Variants in SLC44A5 observed in about 807,000 individuals in gnomAD.
The protein encoded by SLC44A5 is solute carrier family 44 member 5.
A neutral mutation model predicts 101.8 loss-of-function variants in SLC44A5; 57 were observed. The ratio of observed to expected loss-of-function variants is 0.56; its 90% CI spans 0.45 to 0.70. The LOEUF (loss-of-function observed/expected upper bound fraction) is 0.70, where lower values mean the gene tolerates loss of function less well. Among genes scored for constraint, SLC44A5 ranks in the 30% least tolerant of loss-of-function variants. The pLI is 0.00. For synonymous variants in SLC44A5, 281 were observed against 290.9 expected (o/e 0.97, Z 0.35); for missense variants, 737 against 853.1 (o/e 0.86, Z 1.70).
chr1:75,363,770 G>T (rs1348246162), intron 3 of SLC44A5, among the ~76,000 whole-genome samples: 2 of 151,970 alleles, frequency 1.3e-5, no homozygotes, highest in East Asian at 1.9e-4. Context: ...ATTGACTTTT[G>T]TACTTTCATG....
chr1:75,693,512 C>T, the SLC44A5 span, among the ~76,000 whole-genome samples: 95 of 152,160 alleles, frequency 6.2e-4, no homozygotes, highest in African/African-American at 2.1e-3. Flanking sequence ...TATACATTTG[C>T]GAATGGGTAC....
intron 4 of SLC44A5, among the ~76,000 whole-genome samples, chr1:75,329,376 T>A (rs1656851515): frequency 6.6e-6 from 1 of 152,168 alleles, no homozygotes; most frequent in South Asian, 2.1e-4. Context: ...TTTTCCATTC[T>A]TGTGTATCTG....
chr1:75,544,887 TA>T (rs1389928534), intron 1 of SLC44A5, among the ~76,000 whole-genome samples: 1 of 152,128 alleles, frequency 6.6e-6, no homozygotes, highest in African/African-American at 2.4e-5. Context: ...TTTTATACCT[TA>T]AGTTCTGGGG....
chr1:75,290,938 A>G lies in SLC44A5; in HGVS notation c.175+9674T>C, dbSNP rs1653488975. Reference sequence around the variant, plus strand: ...AGCAAAGAGCAAGAAGATACACCCAAATTTCAAGGTCTATGAATTGGAAGG... The same window carrying G: ...AGCAAAGAGCAAGAAGATACACCCAGATTTCAAGGTCTATGAATTGGAAGG... On this transcript the variant is annotated intron_variant, in intron 5 of 23. Coordinates refer to ENST00000370859, the MANE Select transcript of SLC44A5 (RefSeq NM_001130058.2). Among the ~76,000 whole-genome samples, 5 of 152,348 alleles carry G rather than the reference A, an allele frequency of 3.3e-5. No homozygotes were observed. The South Asian group carries it at 1.0e-3, about 32-fold the overall frequency.
chr1:75,272,603 A>T (rs575740000), intron 6 of SLC44A5, among the ~76,000 whole-genome samples: 1 of 152,112 alleles, frequency 6.6e-6, no homozygotes, highest in South Asian at 2.1e-4. Flanking sequence ...ATTATTCTAC[A>T]TGTGGCTTGC....
At chr1:75,352,423 G>T (rs1658753685) in intron 3 of SLC44A5, among the ~76,000 whole-genome samples, 1 of 151,532 alleles carries the variant, frequency 6.6e-6, no homozygotes, top group South Asian at 2.1e-4. Flanking sequence ...TCTCATTGGA[G>T]AACTTCTGTT....
chr1:75,426,638 C>T (rs1348591242), intron 2 of SLC44A5, among the ~76,000 whole-genome samples: 1 of 152,208 alleles, frequency 6.6e-6, no homozygotes, highest in East Asian at 1.9e-4. Context: ...TTGGATAATT[C>T]TCCATATGTG....
chr1:75,587,009 C>T (rs1403595296), intron 1 of SLC44A5, among the ~76,000 whole-genome samples: 1 of 152,026 alleles, frequency 6.6e-6, no homozygotes, highest in Non-Finnish European at 1.5e-5. Flanking sequence ...AAATGCAGAG[C>T]TGGGGCAGGC....
intron 1 of SLC44A5, among the ~76,000 whole-genome samples, chr1:75,605,494 G>A (rs991467047): frequency 2.0e-5 from 3 of 152,088 alleles, no homozygotes; most frequent in African/African-American, 7.2e-5. Flanking sequence ...ATAGTGATTT[G>A]TAGAGTCAGA....
intron 2 of SLC44A5, among the ~76,000 whole-genome samples, chr1:75,428,042 C>T (rs1056695601): frequency 1.3e-4 from 20 of 152,218 alleles, no homozygotes; most frequent in African/African-American, 2.6e-4. Flanking sequence ...CCCTCGAGTA[C>T]GGCAAGGAGG....
intron 1 of SLC44A5, among the ~76,000 whole-genome samples, chr1:75,593,527 T>C (rs434424): frequency 0.67 from 102,535 of 151,972 alleles, 34,960 homozygotes; most frequent in East Asian, 0.84. Flanking sequence ...CAAAGAGATA[T>C]ATGCACTCTT....
chr1:75,260,301 A>G lies in SLC44A5; in HGVS notation c.261-9007T>C, dbSNP rs1055080962. ...AGACCCATTTCACATGCAAAGACACACATAGGCTCAAAATAAAGGGATGGA... is the reference window on the plus strand; with the variant it reads ...AGACCCATTTCACATGCAAAGACACGCATAGGCTCAAAATAAAGGGATGGA... On this transcript the variant is annotated intron_variant, in intron 6 of 23. Coordinates refer to ENST00000370859, the MANE Select transcript of SLC44A5 (RefSeq NM_001130058.2). 4.6e-5 allele frequency among the ~76,000 whole-genome samples: 7 copies of G among 152,308 alleles called. 1 individual carries two copies. Among genetic ancestry groups the G allele is most frequent in the African/African-American group, 1.7e-4 (7 of 41,528 alleles).
chr1:75,280,426 TGTATATATTATATATA>T (rs1283479502), intron 5 of SLC44A5, among the ~76,000 whole-genome samples: 39 of 87,798 alleles, frequency 4.4e-4, no homozygotes, highest in Non-Finnish European at 6.4e-4. Context: ...ATATATATAT[TGTATATATTATATATA>T]GTATATATTA....
At chr1:75,659,579 C>T in the SLC44A5 span, among the ~76,000 whole-genome samples, 153 of 129,056 alleles carry the variant, frequency 1.2e-3, 1 homozygote, top group African/African-American at 4.3e-3. Flanking sequence ...TGCTTGAGCC[C>T]AGGAGTTGGA....
chr1:75,319,999 T>A (rs116781145), intron 4 of SLC44A5, among the ~76,000 whole-genome samples: 2,894 of 152,242 alleles, frequency 0.019, 89 homozygotes, highest in Middle Eastern at 0.065. Flanking sequence ...CTCTGCACCA[T>A]CTTCACTCTG....
At chr1:75,659,511 AGGCAGGC>A in the SLC44A5 span, among the ~76,000 whole-genome samples, 1 of 41,938 alleles carries the variant, frequency 2.4e-5, no homozygotes, top group Non-Finnish European at 7.4e-5. Flanking sequence ...GCAGGCAGGC[AGGCAGGC>A]AGGCAGGCAG....
At chr1:75,723,426 C>T in the SLC44A5 span, among the ~76,000 whole-genome samples, 1 of 152,088 alleles carries the variant, frequency 6.6e-6, no homozygotes, top group Admixed American at 6.6e-5. Context: ...AAGGGGGTAG[C>T]TTGCTTGGGT....
chr1:75,564,494 T>A (rs1672680889), intron 1 of SLC44A5, among the ~76,000 whole-genome samples: 1 of 151,998 alleles, frequency 6.6e-6, no homozygotes, highest in South Asian at 2.1e-4. Flanking sequence ...TTTTACATAA[T>A]CACCAAATAG....
intron 2 of SLC44A5, among the ~76,000 whole-genome samples, chr1:75,508,428 T>G (rs1009249282): frequency 6.6e-5 from 10 of 152,090 alleles, no homozygotes; most frequent in African/African-American, 2.4e-4. Flanking sequence ...CATTCTAACA[T>G]CATACCTAGA....
Sources: gnomAD v4.1 joint callset for allele counts (sites outside exome capture counted in the v4.1 genomes callset) on GRCh38, gnomAD v4.1.1 for gene constraint, MANE v1.5 for transcripts, NCBI Gene and HGNC (gene_info 2026-07-23, HGNC 2026-07-21) for gene names.